The following ESR2 variants were observed in gnomAD, a reference collection of about 807,000 sequenced individuals.
The protein encoded by ESR2 is estrogen receptor 2, also known as estrogen receptor beta.
A neutral mutation model predicts 49.6 loss-of-function variants in ESR2; 36 were observed. That is an observed-to-expected ratio of 0.73 (90% CI 0.56 to 0.96). ESR2 has a LOEUF of 0.96. ESR2 is among the 40% of genes least tolerant of loss of function. The probability of loss-of-function intolerance (pLI) is 0.00; values close to 1 mark genes in which losing one functional copy is unlikely to be tolerated. For synonymous variants in ESR2, 320 were observed against 266.1 expected (o/e 1.20, Z -1.97); for missense variants, 714 against 693.0 (o/e 1.03, Z -0.34).
In ESR2 at chr14:64,232,031, A is replaced by C. The variant is rs1210095316; in HGVS notation, c.*1106T>G. The C allele has an allele frequency of 6.6e-6, 1 of 152,128 alleles. No individual in the cohort carries two copies. The highest frequency in any genetic ancestry group is 1.5e-5 in the Non-Finnish European group (1 of 68,042). 9.4% of individuals were successfully genotyped at this position (152,128 alleles called of 1,614,324 possible). On this transcript the variant is annotated 3_prime_UTR_variant, in exon 9 of 9. Coordinates refer to ENST00000341099, the MANE Select transcript of ESR2 (RefSeq NM_001437.3). Reference sequence around the variant, plus strand: ...TTTCTTGCTATAAATAATTATCCCTAAATATTTCTCTTTAAGGAGAGTTCA... The same window carrying C: ...TTTCTTGCTATAAATAATTATCCCTCAATATTTCTCTTTAAGGAGAGTTCA...
At chr14:64,242,086 TG>T (rs1263432101) in intron 7 of ESR2, among the ~76,000 whole-genome samples, 1 of 152,180 alleles carries the variant, frequency 6.6e-6, no homozygotes, top group East Asian at 1.9e-4. Context: ...GAGTGGATGT[TG>T]GATTTTGTCA....
rs544082433 is a variant in ESR2, at chr14:64,228,853, C to T, written c.*4284G>A. ...CTCCAAAGCAACAAAAATGGCACTA[C>T]GATCATACATCACAGACAATGCACA... On this transcript the variant is annotated 3_prime_UTR_variant, in exon 9 of 9. Coordinates refer to ENST00000341099, the MANE Select transcript of ESR2 (RefSeq NM_001437.3). 5.3e-5 allele frequency among the ~76,000 whole-genome samples: 8 copies of T among 152,316 alleles called. No individual in the cohort carries two copies. The South Asian group carries it at 6.2e-4, about 12-fold the overall frequency.
rs199669101 is a variant in ESR2, at chr14:64,260,715, A to G, written c.686T>C (p.Val229Ala). Residue 229 changes from valine (V) to alanine (A), a missense_variant, in exon 5 of 9, where the codon GTG becomes GCG. Physicochemically the swap from Val to Ala is moderately conservative, Grantham distance 64. Coordinates refer to ENST00000341099, the MANE Select transcript of ESR2 (RefSeq NM_001437.3). ...CTCGTCGGCACTTCTCTGTCTCCGC[A>G]CAAGGCGGTACCCACATCTCTCTCT... Reference protein sequence around the residue: ...SRRERCGYRLVRRQRSADEQL... With the variant: ...SRRERCGYRLARRQRSADEQL... The G allele has an allele frequency of 5.2e-6, 8 of 1,533,188 alleles. No homozygotes were observed. The highest frequency in any genetic ancestry group is 6.2e-6 in the Non-Finnish European group (7 of 1,136,890). 95.0% of individuals were successfully genotyped at this position (1,533,188 alleles called of 1,614,324 possible).
At chr14:64,269,415 G>T (rs143897541) in intron 3 of ESR2, among the ~76,000 whole-genome samples, 1 of 152,352 alleles carries the variant, frequency 6.6e-6, no homozygotes, top group Non-Finnish European at 1.5e-5. Context: ...ATTGACAAGA[G>T]TTGTGGTGGA....
At chr14:64,300,720 C>A (rs1277220228) in intron 1 of ESR2, among the ~76,000 whole-genome samples, 2 of 152,248 alleles carry the variant, frequency 1.3e-5, no homozygotes, top group Admixed American at 1.3e-4. Flanking sequence ...CACACCACTG[C>A]ACTTCAGCCT....
chr14:64,245,042 T>C (rs1017045236), intron 7 of ESR2, among the ~76,000 whole-genome samples: 1 of 151,878 alleles, frequency 6.6e-6, no homozygotes, highest in Non-Finnish European at 1.5e-5. Flanking sequence ...ATTCCATCCC[T>C]ATTTTTTTTT....
At chr14:64,335,403 G>A (rs1254374681) in intron 1 of ESR2, among the ~76,000 whole-genome samples, 1 of 152,228 alleles carries the variant, frequency 6.6e-6, no homozygotes, top group Non-Finnish European at 1.5e-5. Context: ...CATGGCTGTG[G>A]AACCTGGAAA....
chr14:64,260,688 T>C lies in ESR2; in HGVS notation c.713A>G (p.Gln238Arg). The change falls in exon 5 of 9, where the codon CAG (glutamine) becomes CGG (arginine). Residue 238 changes from glutamine (Q) to arginine (R), a missense_variant. Coordinates refer to ENST00000341099, the MANE Select transcript of ESR2 (RefSeq NM_001437.3). ...CTTGGCCTTGCCGGCACAGTGCAGC[T>C]GCTCGTCGGCACTTCTCTGTCTCCG... ...LVRRQRSADE[Q>R]LHCAGKAKRS... 2 of 1,556,600 alleles carry C rather than the reference T, an allele frequency of 1.3e-6. No homozygotes were observed. The highest frequency in any genetic ancestry group is 1.9e-5 in the Admixed American group (1 of 52,808).
chr14:64,249,594 G>T lies in ESR2; in HGVS notation c.1177C>A (p.Gln393Lys), dbSNP rs1252799710. 4.3e-6 allele frequency: 7 copies of T among 1,613,596 alleles called. No homozygotes were observed. In the African/African-American group the frequency reaches 9.4e-5, roughly 22 times the overall value. ...TTGACACAGAGATATTCTTTGTGTT[G>T]GAGTTTTAACTCTCGAAACCTTGAA... The part of the protein sequence containing the change: ...TTSRFRELKL[Q>K]HKEYLCVKAM... The change falls in exon 7 of 9, where the codon CAA becomes AAA. Residue 393 changes from glutamine (Q) to lysine (K), a missense_variant. Gln to Lys is a moderately conservative substitution (Grantham distance 53). Coordinates refer to ENST00000341099, the MANE Select transcript of ESR2 (RefSeq NM_001437.3).
rs1474248801 is a variant in ESR2, at chr14:64,229,952, G to T, written c.*3185C>A. On this transcript the variant is annotated 3_prime_UTR_variant, in exon 9 of 9. Coordinates refer to ENST00000341099, the MANE Select transcript of ESR2 (RefSeq NM_001437.3). ...TCAGCACTTTGGGAGGCCTTGGCAG[G>T]CAGATCGCTGGAGCCCAGGAGTTCA... 6.6e-6 allele frequency among the ~76,000 whole-genome samples: 1 copy of T among 152,204 alleles called. No individual in the cohort carries two copies. Among genetic ancestry groups the T allele is most frequent in the East Asian group, 1.9e-4 (1 of 5,206 alleles).
intron 7 of ESR2, among the ~76,000 whole-genome samples, chr14:64,244,945 C>G (rs923791839): frequency 6.6e-6 from 1 of 152,144 alleles, no homozygotes; most frequent in Non-Finnish European, 1.5e-5. Flanking sequence ...CGTTTGTGTC[C>G]CTCCTCCTGG....
chr14:64,322,039 T>A (rs1253496773), intron 1 of ESR2, among the ~76,000 whole-genome samples: 1 of 151,914 alleles, frequency 6.6e-6, no homozygotes, highest in African/African-American at 2.4e-5. Context: ...TACCCCTTAA[T>A]CTATAATAAA....
chr14:64,243,120 G>T (rs2075773759), intron 7 of ESR2, among the ~76,000 whole-genome samples: 1 of 152,186 alleles, frequency 6.6e-6, no homozygotes, highest in African/African-American at 2.4e-5. Flanking sequence ...TTTGGGTGGG[G>T]ACACAGAGCC....
At chr14:64,227,790 T>G (rs765243492), downstream of ESR2, 13 of 1,547,776 alleles carry the variant, frequency 8.4e-6, no homozygotes, top group Non-Finnish European at 1.1e-5. Context: ...CAAAGCTCAG[T>G]GTATTCCCAA....
rs2076704279 is a variant in ESR2, at chr14:64,282,811, G to A, written c.175C>T (p.Pro59Ser). The A allele has an allele frequency of 1.9e-6, 3 of 1,614,082 alleles. No homozygotes were observed. In the South Asian group the frequency reaches 3.3e-5, roughly 18 times the overall value. Reference protein sequence around the residue: ...YSPAVMNYSIPSNVTNLEGGP... With the variant: ...YSPAVMNYSISSNVTNLEGGP... Reference sequence around the variant, plus strand: ...CCTTCCAAGTTAGTGACATTGCTGGGAATGCTGTAATTCATCACAGCAGGG... The same window carrying A: ...CCTTCCAAGTTAGTGACATTGCTGGAAATGCTGTAATTCATCACAGCAGGG... The change falls in exon 2 of 9, where the codon CCC becomes TCC. Residue 59 changes from proline to serine, a missense_variant. Coordinates refer to ENST00000341099, the MANE Select transcript of ESR2 (RefSeq NM_001437.3).
rs1193584506 is a variant in ESR2 at position 64,231,013 on chromosome 14, G to C, written c.*2124C>G. ...GTGATCCTCCCACCTCAGCCTCCCA[G>C]GTAGCTGGAACTACAGGCCTGCACC... On this transcript the variant is annotated 3_prime_UTR_variant, in exon 9 of 9. Transcript: ENST00000341099. 1 of 149,184 alleles carries C rather than the reference G, an allele frequency of 6.7e-6. No homozygotes were observed. Among genetic ancestry groups the C allele is most frequent in the Admixed American group, 6.7e-5 (1 of 14,938 alleles). 9.2% of individuals were successfully genotyped at this position (149,184 alleles called of 1,614,324 possible).
chr14:64,326,501 G>A (rs2077392228), intron 1 of ESR2, among the ~76,000 whole-genome samples: 1 of 152,042 alleles, frequency 6.6e-6, no homozygotes, highest in African/African-American at 2.4e-5. Context: ...GAAAGTGGTT[G>A]TTAAAGCCAG....
chr14:64,319,383 A>C (rs2077298684), intron 1 of ESR2, among the ~76,000 whole-genome samples: 1 of 152,150 alleles, frequency 6.6e-6, no homozygotes, highest in South Asian at 2.1e-4. Flanking sequence ...TTTTTTGGAT[A>C]CAATAGAAAA....
intron 5 of ESR2, among the ~76,000 whole-genome samples, chr14:64,259,955 C>T (rs182164121): frequency 6.6e-6 from 1 of 152,222 alleles, no homozygotes; most frequent in Non-Finnish European, 1.5e-5. Flanking sequence ...TAACCACGTT[C>T]CAGGTTCCAG....
Sources: gnomAD v4.1 joint callset for allele counts (sites outside exome capture counted in the v4.1 genomes callset) on GRCh38, gnomAD v4.1.1 for gene constraint, MANE v1.5 for transcripts, NCBI Gene and HGNC (gene_info 2026-07-23, HGNC 2026-07-21) for gene names.